CCDC13: variants seen among roughly 807,000 people sequenced by gnomAD.
CCDC13 encodes the protein coiled-coil domain-containing protein 13.
CCDC13 carries 70 observed loss-of-function variants against 87.3 expected under a neutral mutation model. That is an observed-to-expected ratio of 0.80 (90% CI 0.66 to 0.98). The LOEUF (loss-of-function observed/expected upper bound fraction) is 0.98. CCDC13 is among the 50% of genes least tolerant of loss of function. The probability of loss-of-function intolerance (pLI) is 0.00; values close to 1 mark genes in which losing one functional copy is unlikely to be tolerated. For synonymous variants in CCDC13, 317 were observed against 360.3 expected (o/e 0.88, Z 1.36); for missense variants, 842 against 892.0 (o/e 0.94, Z 0.71).
intron 14 of CCDC13, among the ~76,000 whole-genome samples, chr3:42,710,822 G>T (rs1017185227): frequency 7.2e-5 from 11 of 152,168 alleles, no homozygotes; most frequent in South Asian, 4.1e-4. Flanking sequence ...GGCTCCAGGG[G>T]ACACTGCTAA....
At position 42,708,897 on chromosome 3, in the gene CCDC13, A is replaced by C. The variant is rs1698235856; in HGVS notation, c.*83T>G. ...TGGCTGCCCTGGGCTGGCTTCCCGG[A>C]GCAGATGGAGTCCTCAGACAGAGTC... On this transcript the variant is annotated 3_prime_UTR_variant, in exon 16 of 16. Transcript: ENST00000310232. 1 of 1,424,338 alleles carries C rather than the reference A, an allele frequency of 7.0e-7. No homozygotes were observed. The highest frequency in any genetic ancestry group is 9.3e-7 in the Non-Finnish European group (1 of 1,071,754). The allele number at this position is 1,424,338 out of a possible 1,614,324, so 88.2% of individuals were successfully genotyped here.
At chr3:42,709,907 C>T (rs1311215352) in intron 14 of CCDC13, 109 bp from the exon 15 acceptor site, 12 of 831,956 alleles carry the variant, frequency 1.4e-5, no homozygotes, top group Admixed American at 5.7e-5. Context: ...TGGTGAAACG[C>T]TACACCGCCT....
intron 13 of CCDC13, among the ~76,000 whole-genome samples, chr3:42,718,473 C>G (rs1427738745): frequency 6.6e-6 from 1 of 152,150 alleles, no homozygotes; most frequent in Non-Finnish European, 1.5e-5. Flanking sequence ...TTCTTTTATT[C>G]CTTTACTTTC....
chr3:42,771,709 C>T (rs961879542), intron 1 of CCDC13, among the ~76,000 whole-genome samples: 2 of 152,108 alleles, frequency 1.3e-5, no homozygotes, highest in African/African-American at 4.8e-5. Context: ...GAGCCATGAT[C>T]ATGCCACCGC....
chr3:42,770,846 GAGCC>G (rs1332272793), intron 1 of CCDC13: 1 of 152,826 alleles, frequency 6.5e-6, no homozygotes, highest in East Asian at 1.9e-4. Context: ...CTTCACTCCT[GAGCC>G]AGCGAGACCA....
intron 13 of CCDC13, among the ~76,000 whole-genome samples, chr3:42,715,049 T>G (rs1189759527): frequency 6.6e-6 from 1 of 151,664 alleles, no homozygotes; most frequent in Non-Finnish European, 1.5e-5. Context: ...CCCAGCACTT[T>G]GGGTGGCCGA....
At chr3:42,716,238 C>A (rs1698427927) in intron 13 of CCDC13, among the ~76,000 whole-genome samples, 1 of 150,828 alleles carries the variant, frequency 6.6e-6, no homozygotes, top group Non-Finnish European at 1.5e-5. Context: ...AAAGATCTAC[C>A]TCCAAAAAAA....
intron 8 of CCDC13, among the ~76,000 whole-genome samples, chr3:42,742,140 C>G (rs1057464551): frequency 6.6e-6 from 1 of 152,190 alleles, no homozygotes; most frequent in Non-Finnish European, 1.5e-5. Flanking sequence ...AACCTTGGGG[C>G]AGGTGTCTGA....
At position 42,733,471 on chromosome 3, in the gene CCDC13, G is replaced by A. The variant is rs559309056; in HGVS notation, c.1510C>T (p.Arg504Cys). 3.2e-5 allele frequency: 52 copies of A among 1,614,052 alleles called. No homozygotes were observed. Among genetic ancestry groups the A allele is most frequent in the South Asian group, 2.1e-4 (19 of 91,070 alleles). Reference protein sequence around the residue: ...GDHVGRLGSSRSVTSLGHTLV... With the variant: ...GDHVGRLGSSCSVTSLGHTLV... ...CCCTCCCTCCCATTGTTTTCTTACC[G>A]AGAAGATCCAAGCCTGCCAACATGA... Residue 504 changes from arginine (R) to cysteine (C), a missense_variant and splice_region_variant, in exon 11 of 16, where the codon CGC (arginine) becomes TGC (cysteine). Arg to Cys is a radical substitution (Grantham distance 180). Coordinates refer to ENST00000310232, the MANE Select transcript of CCDC13 (RefSeq NM_144719.4).
chr3:42,725,533 C>CAGAAAAAAAA lies in CCDC13; in HGVS notation c.1718+4933_1718+4934insTTTTTTTTCT, dbSNP rs779284703. 5.5e-5 allele frequency among the ~76,000 whole-genome samples: 5 copies of CAGAAAAAAAA among 91,498 alleles called. 1 individual carries two copies. The highest frequency in any genetic ancestry group is 6.5e-4 in the East Asian group (2 of 3,086). The allele number at this position is 91,498 out of a possible 152,430, so 60.0% of individuals were successfully genotyped here. A position where few individuals can be genotyped will look rare whatever the true frequency, so the allele number is the denominator to read the frequency against. On this transcript the variant is annotated intron_variant, in intron 13 of 15. Coordinates refer to ENST00000310232, the MANE Select transcript of CCDC13 (RefSeq NM_144719.4). ...TGGGTGACAGAGTGAGACCCTGTCTCAAAAAAAAAAAAAAAGAGGACTAAG... is the reference window on the plus strand; with the variant it reads ...TGGGTGACAGAGTGAGACCCTGTCTCAGAAAAAAAAAAAAAAAAAAAAAAAGAGGACTAAG...
intron 6 of CCDC13, chr3:42,746,294 T>C: frequency 2.3e-6 from 1 of 425,668 alleles, no homozygotes; most frequent in South Asian, 2.9e-5. Flanking sequence ...GGCCCCTTGC[T>C]CTTGACATAT....
At chr3:42,761,246 G>T (rs934928660) in intron 1 of CCDC13, among the ~76,000 whole-genome samples, 4 of 152,098 alleles carry the variant, frequency 2.6e-5, no homozygotes, top group Admixed American at 1.3e-4. Context: ...CATTCCCACT[G>T]ATACCAGGCT....
At chr3:42,757,259 C>T in intron 2 of CCDC13, 45 bp from the exon 3 acceptor site, 1 of 1,592,526 alleles carries the variant, frequency 6.3e-7, no homozygotes, top group Non-Finnish European at 8.6e-7. Flanking sequence ...GGCAAAGGCC[C>T]TGGTGGGCAG....
intron 6 of CCDC13, 41 bp from the exon 7 acceptor site, chr3:42,746,068 G>T (rs758300098): frequency 7.0e-6 from 10 of 1,433,318 alleles, no homozygotes; most frequent in Admixed American, 5.0e-5. Flanking sequence ...AAAAGAGAGG[G>T]CTCCACCAGA....
At chr3:42,752,060 C>CGCTGAGCAG in intron 4 of CCDC13, 35 bp from the exon 5 acceptor site, 1 of 1,575,024 alleles carries the variant, frequency 6.3e-7, no homozygotes, top group Non-Finnish European at 8.6e-7. Flanking sequence ...ATACTCTGCT[C>CGCTGAGCAG]AGCGATTGTG....
Position 42,717,646 on chromosome 3 carries a change from A to G in CCDC13, c.1719-4330T>C, listed in dbSNP as rs1004628226. Reference sequence around the variant, plus strand: ...TGTTTGGTGTATATAGCTTACCACAATTAAAACATACATATACCACACAAA... The same window carrying G: ...TGTTTGGTGTATATAGCTTACCACAGTTAAAACATACATATACCACACAAA... On this transcript the variant is annotated intron_variant, in intron 13 of 15. Coordinates refer to ENST00000310232, the MANE Select transcript of CCDC13 (RefSeq NM_144719.4). Among the ~76,000 whole-genome samples the G allele has an allele frequency of 8.5e-5, 13 of 152,238 alleles. 1 individual carries two copies. The highest frequency in any genetic ancestry group is 3.9e-4 in the Admixed American group (6 of 15,286).
intron 14 of CCDC13, 121 bp from the exon 15 acceptor site, chr3:42,709,919 C>T (rs570542818): frequency 1.0e-4 from 75 of 743,508 alleles, no homozygotes; most frequent in African/African-American, 9.3e-4. Flanking sequence ...ACACCGCCTT[C>T]GGGGTGCAGG....
chr3:42,741,463 C>T (rs1300797670), intron 8 of CCDC13, among the ~76,000 whole-genome samples: 1 of 152,116 alleles, frequency 6.6e-6, no homozygotes, highest in Admixed American at 6.6e-5. Context: ...GTGGGCTCGG[C>T]GAATGGCTCA....
intron 6 of CCDC13, chr3:42,746,243 T>C: frequency 5.7e-6 from 3 of 524,592 alleles, no homozygotes; most frequent in Non-Finnish European, 1.0e-5. Flanking sequence ...TTCTTGGCAA[T>C]GCTTAGAGCA....
Sources: gnomAD v4.1 joint callset for allele counts (sites outside exome capture counted in the v4.1 genomes callset) on GRCh38, gnomAD v4.1.1 for gene constraint, MANE v1.5 for transcripts, NCBI Gene and HGNC (gene_info 2026-07-23, HGNC 2026-07-21) for gene names.